Variants in FKBP9 observed in about 807,000 individuals in gnomAD.
FKBP9 encodes FKBP prolyl isomerase 9, also known as peptidyl-prolyl cis-trans isomerase FKBP9.
A neutral mutation model predicts 55.6 loss-of-function variants in FKBP9; 27 were observed. The ratio of observed to expected loss-of-function variants is 0.49; its 90% CI spans 0.36 to 0.67. The LOEUF is 0.67. Among genes scored for constraint, FKBP9 ranks in the 30% least tolerant of loss-of-function variants. The pLI, the probability that FKBP9 is intolerant of heterozygous loss-of-function variation, is 0.00. For missense variants in FKBP9, 539 were observed against 742.8 expected (o/e 0.73, Z 3.19); for synonymous variants, 267 against 296.5 (o/e 0.90, Z 1.02).
chr7:32,988,777 G>T, intron 6 of FKBP9, 125 bp downstream of exon 6: 1 of 923,982 alleles, frequency 1.1e-6, no homozygotes, highest in Non-Finnish European at 1.6e-6. Context: ...GAACAGGCTG[G>T]AAAGTGTAGT....
Position 33,005,912 on chromosome 7 carries a change from A to G in FKBP9, c.*561A>G, listed in dbSNP as rs1583877110. 4.3e-6 allele frequency: 1 copy of G among 232,348 alleles called. No individual in the cohort carries two copies. Among genetic ancestry groups the G allele is most frequent in the African/African-American group, 2.2e-5 (1 of 45,170 alleles). 14.4% of individuals were successfully genotyped at this position (232,348 alleles called of 1,614,324 possible). A position where few individuals can be genotyped will look rare whatever the true frequency, so the allele number is the denominator to read the frequency against. On this transcript the variant is annotated 3_prime_UTR_variant, in exon 10 of 10. Transcript: ENST00000242209. ...ACCCCCGCACACGCACACGCACATC[A>G]TGCTTTTCCAGCTCATCACACCCCG...
chr7:32,975,828 A>C lies in FKBP9; in HGVS notation c.557+457A>C, dbSNP rs879877433. 1.7e-4 allele frequency among the ~76,000 whole-genome samples: 26 copies of C among 151,982 alleles called. 1 individual carries two copies. The highest frequency in any genetic ancestry group is 5.6e-4 in the African/African-American group (23 of 41,340). Reference sequence around the variant, plus strand: ...CACCAAGCTAATTTTTTGTATTTTTAATAGAGACGGGGTTTCAGCATATTA... The same window carrying C: ...CACCAAGCTAATTTTTTGTATTTTTCATAGAGACGGGGTTTCAGCATATTA... On this transcript the variant is annotated intron_variant, in intron 3 of 9. Coordinates refer to ENST00000242209, the MANE Select transcript of FKBP9 (RefSeq NM_007270.5).
chr7:32,987,800 A>G (rs1227746470), intron 5 of FKBP9, among the ~76,000 whole-genome samples: 1 of 152,136 alleles, frequency 6.6e-6, no homozygotes, highest in African/African-American at 2.4e-5. Flanking sequence ...CATCCAGCTA[A>G]GTTTTGTAAT....
chr7:32,985,540 T>G (rs1158308786), intron 5 of FKBP9, among the ~76,000 whole-genome samples: 1 of 152,180 alleles, frequency 6.6e-6, no homozygotes, highest in Non-Finnish European at 1.5e-5. Context: ...TATGTATATA[T>G]TTCCTGCTTA....
chr7:32,957,711 G>C lies in FKBP9; in HGVS notation c.138G>C (p.Glu46Asp), dbSNP rs141020449. Residue 46 changes from glutamate to aspartate, a missense_variant, in exon 1 of 10, where the codon GAG becomes GAC. This residue lies in a region of FKBP9 where 236 missense variants were observed against 271.5 expected (regional missense o/e 0.87). Coordinates refer to ENST00000242209, the MANE Select transcript of FKBP9 (RefSeq NM_007270.5). ...LQIERRFVPD[E>D]CPRTVRSGDF... ...TCGAGCGGCGCTTCGTGCCCGACGAGTGCCCGCGCACCGTGCGCAGCGGCG... is the reference window on the plus strand; with the variant it reads ...TCGAGCGGCGCTTCGTGCCCGACGACTGCCCGCGCACCGTGCGCAGCGGCG... The C allele has an allele frequency of 1.9e-6, 3 of 1,544,734 alleles. No individual in the cohort carries two copies. In the South Asian group the frequency reaches 3.6e-5, roughly 18 times the overall value.
chr7:33,000,292 G>A (rs375699561), intron 8 of FKBP9, 32 bp downstream of exon 8: 126 of 1,569,880 alleles, frequency 8.0e-5, no homozygotes, highest in Non-Finnish European at 1.0e-4. Flanking sequence ...AGGGTGTTGG[G>A]GGCCCGCTTA....
intron 1 of FKBP9, among the ~76,000 whole-genome samples, chr7:32,964,698 A>G (rs1195088507): frequency 1.3e-5 from 2 of 152,152 alleles, no homozygotes; most frequent in Non-Finnish European, 2.9e-5. Flanking sequence ...TCTCCCTGGC[A>G]TGTCTCATTA....
Position 33,005,439 on chromosome 7 carries a change from C to G in FKBP9, c.*88C>G. The G allele has an allele frequency of 6.9e-7, 1 of 1,453,432 alleles. No homozygotes were observed. The highest frequency in any genetic ancestry group is 1.3e-5 in the South Asian group (1 of 78,152). The allele number at this position is 1,453,432 out of a possible 1,614,324, so 90.0% of individuals were successfully genotyped here. On this transcript the variant is annotated 3_prime_UTR_variant, in exon 10 of 10. Coordinates refer to ENST00000242209, the MANE Select transcript of FKBP9 (RefSeq NM_007270.5). ...GTGCAGTGAGGGTGCAAGGGTCTCT[C>G]AGAAGTTGCATCATTAGCCAGTAGT...
Position 32,988,669 on chromosome 7 carries a change from C to A in FKBP9, c.1039+17C>A. The stretch of plus-strand genomic sequence containing the variant: ...AAGGAAGAGGTGAGCATCAGCATCA[C>A]CTGCCTTCCTCACTAGCTGTGGCTG... On this transcript the variant is annotated intron_variant, in intron 6 of 9. Coordinates refer to ENST00000242209, the MANE Select transcript of FKBP9 (RefSeq NM_007270.5). The A allele has an allele frequency of 6.2e-7, 1 of 1,613,084 alleles. No individual in the cohort carries two copies. The highest frequency in any genetic ancestry group is 8.5e-7 in the Non-Finnish European group (1 of 1,179,194).
chr7:32,960,108 C>CTTTTT (rs398004304), intron 1 of FKBP9, among the ~76,000 whole-genome samples: 18 of 98,606 alleles, frequency 1.8e-4, no homozygotes, highest in South Asian at 3.7e-4. Flanking sequence ...TTGTACTTGT[C>CTTTTT]TTTTTTTTTT....
At chr7:32,964,011 G>T (rs1784082979) in intron 1 of FKBP9, among the ~76,000 whole-genome samples, 1 of 152,230 alleles carries the variant, frequency 6.6e-6, no homozygotes, top group Admixed American at 6.5e-5. Context: ...ATGCAGTCAG[G>T]GGGGCCTGAC....
intron 1 of FKBP9, among the ~76,000 whole-genome samples, chr7:32,960,109 T>TC: frequency 3.6e-5 from 1 of 27,444 alleles, no homozygotes; most frequent in Middle Eastern, 0.014. Context: ...TGTACTTGTC[T>TC]TTTTTTTTTT....
At chr7:32,972,595 G>A (rs1271990652) in intron 1 of FKBP9, among the ~76,000 whole-genome samples, 1 of 152,110 alleles carries the variant, frequency 6.6e-6, no homozygotes, top group Non-Finnish European at 1.5e-5. Flanking sequence ...AACAAATTCA[G>A]TCACCTGAAG....
intron 1 of FKBP9, among the ~76,000 whole-genome samples, chr7:32,972,206 C>T (rs995078262): frequency 9.9e-5 from 15 of 152,078 alleles, no homozygotes; most frequent in South Asian, 4.2e-4. Flanking sequence ...ATTGGGGCCC[C>T]GGAGGTAGAG....
At chr7:32,961,780 C>A (rs1784030092) in intron 1 of FKBP9, among the ~76,000 whole-genome samples, 1 of 151,660 alleles carries the variant, frequency 6.6e-6, no homozygotes, top group South Asian at 2.1e-4. Flanking sequence ...TTGTGTACTG[C>A]ACATGGGAGG....
chr7:32,991,675 CCTGGGAGAGGTTCTGGATCTTT>C (rs1272912840), intron 6 of FKBP9, among the ~76,000 whole-genome samples: 1 of 151,880 alleles, frequency 6.6e-6, no homozygotes, highest in African/African-American at 2.4e-5. Flanking sequence ...GGGTAGGCCT[CCTGGGAGAGGTTCTGGATCTTT>C]CTGCCATCTG....
chr7:33,000,331 C>G (rs1442621862), intron 8 of FKBP9, 71 bp downstream of exon 8: 12 of 1,400,450 alleles, frequency 8.6e-6, no homozygotes, highest in Non-Finnish European at 1.2e-5. Flanking sequence ...TTTTGGGGTG[C>G]CATAGTTAGA....
At chr7:32,997,145 C>T (rs1255720564) in intron 7 of FKBP9, among the ~76,000 whole-genome samples, 5 of 152,074 alleles carry the variant, frequency 3.3e-5, no homozygotes, top group Middle Eastern at 3.2e-3. Context: ...TCTCGGCTCA[C>T]TGCAACCTCT....
At chr7:32,969,955 G>T (rs1784221224) in intron 1 of FKBP9, among the ~76,000 whole-genome samples, 1 of 151,814 alleles carries the variant, frequency 6.6e-6, no homozygotes, top group African/African-American at 2.4e-5. Context: ...AGCCGAGATT[G>T]CACCACTGCA....
Sources: gnomAD v4.1 joint callset for allele counts (sites outside exome capture counted in the v4.1 genomes callset) on GRCh38, gnomAD v4.1.1 for gene constraint, gnomAD v4.1.1 regional missense constraint, MANE v1.5 for transcripts, NCBI Gene and HGNC (gene_info 2026-07-23, HGNC 2026-07-21) for gene names.